MADD: variants seen among roughly 807,000 people sequenced by gnomAD.
MADD encodes MAP kinase-activating death domain protein.
Under a neutral mutation model 176.7 loss-of-function variants are expected in MADD, and 109 were observed. That is an observed-to-expected ratio of 0.62 (90% CI 0.53 to 0.72). MADD has a LOEUF of 0.72. Among genes scored for constraint, MADD ranks in the 30% least tolerant of loss-of-function variants. The pLI is 0.00. For missense variants in MADD, 1,914 were observed against 2,045.5 expected (o/e 0.94, Z 1.24); for synonymous variants, 771 against 771.3 (o/e 1.00, Z 0.01).
chr11:47,284,901 G>T (rs750181897), intron 12 of MADD, 40 bp from the exon 13 acceptor site: 6 of 1,608,524 alleles, frequency 3.7e-6, no homozygotes, highest in Non-Finnish European at 4.2e-6. Context: ...AGGTACCATT[G>T]GGCACCAGGT....
intron 20 of MADD, among the ~76,000 whole-genome samples, chr11:47,294,529 G>T (rs1031972201): frequency 4.0e-5 from 6 of 151,630 alleles, no homozygotes; most frequent in African/African-American, 1.5e-4. Flanking sequence ...AGTTAGCTGG[G>T]TGTGGTGGCG....
chr11:47,329,129 G>T, exon 33 of MADD: 2 of 1,613,994 alleles, frequency 1.2e-6, no homozygotes, highest in Non-Finnish European at 1.7e-6. Flanking sequence ...TCAGAACCCC[G>T]CCCCGGCCTG....
chr11:47,294,374 A>T (rs1392776345), intron 20 of MADD, among the ~76,000 whole-genome samples: 2 of 150,414 alleles, frequency 1.3e-5, no homozygotes, highest in East Asian at 3.9e-4. Context: ...TAAAAATAAA[A>T]ATAAAATAGC....
chr11:47,318,759 T>C (rs10769251), intron 27 of MADD, among the ~76,000 whole-genome samples: 149,054 of 149,060 alleles, frequency 1, 74,524 homozygotes, highest in Middle Eastern at 1. Context: ...AGCCTGCTTT[T>C]TGCATGATCA....
chr11:47,328,248 A>T, intron 31 of MADD: 1 of 1,100,708 alleles, frequency 9.1e-7, no homozygotes, highest in East Asian at 6.8e-5. Context: ...TGTCTCAGCA[A>T]AGTTGGACAC....
At chr11:47,270,175 C>T (rs1958934235) in exon 1 of MADD, 1 of 152,212 alleles carries the variant, frequency 6.6e-6, no homozygotes, top group Admixed American at 6.5e-5. Flanking sequence ...CGGCGCCGCG[C>T]TGGGGAGCGA....
At chr11:47,312,810 A>G (rs1370814292) in intron 26 of MADD, among the ~76,000 whole-genome samples, 1 of 152,220 alleles carries the variant, frequency 6.6e-6, no homozygotes, top group African/African-American at 2.4e-5. Flanking sequence ...TGTTACTCTT[A>G]TTAGATTGAT....
intron 22 of MADD, 121 bp downstream of exon 24, chr11:47,296,176 T>A: frequency 1.7e-6 from 2 of 1,183,268 alleles, no homozygotes; most frequent in Non-Finnish European, 2.4e-6. Flanking sequence ...AGAGGTAATC[T>A]TCTTATATTT....
chr11:47,329,084 G>T lies in MADD; in HGVS notation c.4698G>T (p.Ser1566=), dbSNP rs184207033. Residue 1566 remains serine (S), a synonymous_variant, in exon 33 of 33, where the codon TCG becomes TCT. Coordinates refer to ENST00000402192, the Ensembl canonical transcript of MADD. ...GCTACTCCGTATTATGTCTCTTCTC[G>T]TACGTGGCTGCAGTTCATAGCAGTG... 967 of 1,614,108 alleles carry T rather than the reference G, an allele frequency of 6.0e-4. 11 individuals are homozygous for T. The South Asian group carries it at 7.0e-3, about 12-fold the overall frequency.
chr11:47,275,203 T>G, intron 3 of MADD, 44 bp downstream of exon 3: 1 of 1,528,650 alleles, frequency 6.5e-7, no homozygotes, highest in Non-Finnish European at 8.9e-7. Context: ...CATTTAGAGA[T>G]TCCATGTAAT....
At chr11:47,279,076 G>A (rs1211873456) in exon 7 of MADD, 1 of 1,613,696 alleles carries the variant, frequency 6.2e-7, no homozygotes, top group Non-Finnish European at 8.5e-7. Context: ...AGCATTTAAA[G>A]CAGGTAGGTG....
At chr11:47,320,655 T>G in intron 27 of MADD, among the ~76,000 whole-genome samples, 1 of 151,374 alleles carries the variant, frequency 6.6e-6, no homozygotes, top group East Asian at 1.9e-4. Context: ...CATGTGGTGA[T>G]GTATGCCTGT....
chr11:47,295,839 T>C, intron 21 of MADD, 58 bp from the exon 24 acceptor site: 1 of 1,562,178 alleles, frequency 6.4e-7, no homozygotes, highest in Non-Finnish European at 8.7e-7. Context: ...TCTAACAGCT[T>C]GGTATTTCTG....
intron 23 of MADD, 113 bp downstream of exon 26, chr11:47,309,155 T>C: frequency 3.2e-6 from 5 of 1,547,202 alleles, no homozygotes; most frequent in Middle Eastern, 1.7e-4. Context: ...GGTAGAAAGA[T>C]TGTGTTTCCT....
chr11:47,295,616 G>T lies in MADD; in HGVS notation c.3483+40G>T. ...CCACACTGGCATCTTGGTGGGTGGG[G>T]TGTGGATTTCCCCTTTGGAAAAGGG... On this transcript the variant is annotated intron_variant, in intron 21 of 32. Coordinates refer to ENST00000402192, the Ensembl canonical transcript of MADD. 4 of 1,613,694 alleles carry T rather than the reference G, an allele frequency of 2.5e-6. 1 individual carries two copies. In the South Asian group the frequency reaches 3.3e-5, roughly 13 times the overall value.
chr11:47,295,419 G>T (rs891209466), intron 20 of MADD, 77 bp from the exon 23 acceptor site: 3 of 1,228,522 alleles, frequency 2.4e-6, no homozygotes, highest in Non-Finnish European at 3.6e-6. Flanking sequence ...TGAGGAGAAA[G>T]AAAAAGGTAC....
At chr11:47,320,152 A>G (rs551652291) in intron 27 of MADD, among the ~76,000 whole-genome samples, 48 of 146,224 alleles carry the variant, frequency 3.3e-4, no homozygotes, top group Non-Finnish European at 6.1e-4. Flanking sequence ...GCCTCTCACT[A>G]TTTTTTAAAA....
intron 22 of MADD, among the ~76,000 whole-genome samples, chr11:47,304,797 T>C (rs1175360860): frequency 6.6e-6 from 1 of 152,220 alleles, no homozygotes; most frequent in Non-Finnish European, 1.5e-5. Context: ...GGTGGAGTCA[T>C]ATGTCCTTGT....
intron 1 of MADD, among the ~76,000 whole-genome samples, 173 bp from the exon 2 acceptor site, chr11:47,273,654 C>T (rs553088005): frequency 3.3e-5 from 5 of 152,158 alleles, no homozygotes; most frequent in African/African-American, 9.6e-5. Context: ...TTTTAACATT[C>T]GATTCTGTGA....
Sources: gnomAD v4.1 joint callset for allele counts (sites outside exome capture counted in the v4.1 genomes callset) on GRCh38, gnomAD v4.1.1 for gene constraint, MANE v1.5 for transcripts, NCBI Gene and HGNC (gene_info 2026-07-23, HGNC 2026-07-21) for gene names.